TRPM7: variants seen among roughly 807,000 people sequenced by gnomAD.
TRPM7 encodes the protein LTRPC ion channel family member 7.
Under a neutral mutation model 229.7 loss-of-function variants are expected in TRPM7, and 134 were observed. That is an observed-to-expected ratio of 0.58 (90% CI 0.51 to 0.67). The LOEUF is 0.67. TRPM7 is among the 30% of genes least tolerant of loss of function. TRPM7 has a pLI of 0.00. For missense variants in TRPM7, 1,901 were observed against 2,210.0 expected (o/e 0.86, Z 2.80); for synonymous variants, 699 against 715.2 (o/e 0.98, Z 0.36).
chr15:50,671,921 T>C lies in TRPM7; in HGVS notation c.4-8875A>G, dbSNP rs543710483. Reference sequence around the variant, plus strand: ...AAACAAACCTGCACTGCCAGTTACATAGAAGTATGGCATATACAACTATGT... The same window carrying C: ...AAACAAACCTGCACTGCCAGTTACACAGAAGTATGGCATATACAACTATGT... On this transcript the variant is annotated intron_variant, in intron 1 of 38. Transcript: ENST00000646667. Among the ~76,000 whole-genome samples the C allele has an allele frequency of 9.2e-5, 14 of 152,330 alleles. No homozygotes were observed. The East Asian group carries it at 9.6e-4, about 10-fold the overall frequency.
rs144902307 is a variant in TRPM7 at position 50,582,649 on chromosome 15, T to A, written c.4557+440A>T. ...TGATTTTAACAACATAATCTCTCTA[T>A]GCCAGAACAGATATATTTTGAATGT... is the stretch of plus-strand genomic sequence containing the variant. On this transcript the variant is annotated intron_variant, in intron 29 of 38. Transcript: ENST00000646667. Among the ~76,000 whole-genome samples the A allele has an allele frequency of 8.5e-3, 1,302 of 152,316 alleles. 8 individuals carry two copies. Among genetic ancestry groups the A allele is most frequent in the Non-Finnish European group, 0.015 (1,041 of 68,018 alleles).
intron 1 of TRPM7, among the ~76,000 whole-genome samples, chr15:50,685,281 T>C (rs1285477014): frequency 6.6e-6 from 1 of 152,180 alleles, no homozygotes; most frequent in East Asian, 1.9e-4. Context: ...CTGCCAAACA[T>C]GGTGAAACCC....
At chr15:50,586,859 A>G (rs1028288533) in intron 27 of TRPM7, among the ~76,000 whole-genome samples, 7 of 152,150 alleles carry the variant, frequency 4.6e-5, no homozygotes, top group African/African-American at 1.2e-4. Flanking sequence ...TCTACTAAAA[A>G]TACAAAATCA....
chr15:50,665,037 T>C (rs962449910), intron 1 of TRPM7, among the ~76,000 whole-genome samples: 13 of 152,152 alleles, frequency 8.5e-5, no homozygotes, highest in African/African-American at 2.4e-4. Flanking sequence ...ATTTAATAAA[T>C]ATACGCATGT....
At chr15:50,605,915 T>C (rs2928138) in intron 20 of TRPM7, among the ~76,000 whole-genome samples, 11,455 of 152,204 alleles carry the variant, frequency 0.075, 559 homozygotes, top group South Asian at 0.12. Flanking sequence ...TAATAAGAAA[T>C]TCCTTCTGGT....
intron 26 of TRPM7, 60 bp downstream of exon 26, chr15:50,591,848 CTAT>C (rs2059503893): frequency 3.4e-6 from 4 of 1,182,206 alleles, no homozygotes; most frequent in Non-Finnish European, 3.5e-6. Context: ...GTACATATTT[CTAT>C]TATTTCTAAG....
chr15:50,629,685 C>T (rs74729558), intron 10 of TRPM7, among the ~76,000 whole-genome samples: 3,448 of 152,102 alleles, frequency 0.023, 125 homozygotes, highest in African/African-American at 0.078. Context: ...TTTGATCCCT[C>T]TACTTTAACA....
At chr15:50,662,809 T>C (rs913769649) in intron 2 of TRPM7, among the ~76,000 whole-genome samples, 158 bp downstream of exon 2, 14 of 152,158 alleles carry the variant, frequency 9.2e-5, no homozygotes, top group African/African-American at 3.4e-4. Flanking sequence ...TGTTTCCTCC[T>C]CCCAATCCCT....
intron 13 of TRPM7, 26 bp from the exon 14 acceptor site, chr15:50,614,289 T>C (rs774241185): frequency 6.3e-7 from 1 of 1,576,432 alleles, no homozygotes. Flanking sequence ...TTGTTTTAAA[T>C]AGATCAGATA....
chr15:50,616,362 A>T (rs1271749015), intron 13 of TRPM7, among the ~76,000 whole-genome samples: 1 of 152,222 alleles, frequency 6.6e-6, no homozygotes, highest in Non-Finnish European at 1.5e-5. Flanking sequence ...ATTTGTTTCC[A>T]AAATTTTAAC....
intron 5 of TRPM7, among the ~76,000 whole-genome samples, chr15:50,640,373 C>T (rs1364137687): frequency 6.6e-6 from 1 of 151,820 alleles, no homozygotes; most frequent in Admixed American, 6.6e-5. Context: ...ACCTCCCGGG[C>T]TCAAGTGATC....
intron 30 of TRPM7, 91 bp downstream of exon 30, chr15:50,580,783 T>C (rs2054362239): frequency 8.5e-7 from 1 of 1,182,912 alleles, no homozygotes; most frequent in Admixed American, 2.6e-5. Flanking sequence ...CATAAAGAAA[T>C]GTTAAAGAGA....
intron 3 of TRPM7, among the ~76,000 whole-genome samples, chr15:50,652,617 A>G (rs2061453148): frequency 6.7e-6 from 1 of 149,212 alleles, no homozygotes; most frequent in African/African-American, 2.5e-5. Context: ...AACATTTAGG[A>G]GGAAATATAA....
At chr15:50,679,524 ATATATATATATATATT>A (rs2062190484) in intron 1 of TRPM7, among the ~76,000 whole-genome samples, 6 of 45,674 alleles carry the variant, frequency 1.3e-4, no homozygotes, top group African/African-American at 6.3e-4. Context: ...ATATATATAT[ATATATATATATATATT>A]TTTTTTTTTT....
At chr15:50,639,320 G>T (rs1041026092) in intron 6 of TRPM7, 104 bp downstream of exon 6, 10 of 984,722 alleles carry the variant, frequency 1.0e-5, no homozygotes, top group African/African-American at 1.7e-5. Context: ...AACTTAATTT[G>T]AAAAGTATAA....
chr15:50,631,263 TCA>T lies in TRPM7; in HGVS notation c.1204+152_1204+153del, dbSNP rs2060721615. ...GCCAAGGAAACCAACATTGTGTCTT[TCA>T]CAAAGAAAAATGACTGAAAATTCAC... is the stretch of plus-strand genomic sequence containing the variant. On this transcript the variant is annotated intron_variant, in intron 10 of 38. Transcript: ENST00000646667. Among the ~76,000 whole-genome samples, 4 of 152,198 alleles carry T rather than the reference TCA, an allele frequency of 2.6e-5. No homozygotes were observed. In the South Asian group the frequency reaches 8.3e-4, roughly 32 times the overall value.
At chr15:50,653,254 T>A (rs2061473481) in intron 3 of TRPM7, among the ~76,000 whole-genome samples, 1 of 152,118 alleles carries the variant, frequency 6.6e-6, no homozygotes. Flanking sequence ...ACTTCAAAAC[T>A]TGCCTTGGCA....
At chr15:50,616,671 C>CA (rs2060230349) in intron 13 of TRPM7, among the ~76,000 whole-genome samples, 1 of 108,480 alleles carries the variant, frequency 9.2e-6, no homozygotes, top group South Asian at 3.6e-4. Context: ...ATAGTAAAGT[C>CA]AAAAAATGTA....
At chr15:50,682,308 A>G (rs11070807) in intron 1 of TRPM7, among the ~76,000 whole-genome samples, 49,533 of 151,466 alleles carry the variant, frequency 0.33, 9,872 homozygotes, top group Admixed American at 0.47. Flanking sequence ...CCCTACGTGG[A>G]CAGAAAACTA....
Sources: gnomAD v4.1 joint callset for allele counts (sites outside exome capture counted in the v4.1 genomes callset) on GRCh38, gnomAD v4.1.1 for gene constraint, MANE v1.5 for transcripts, NCBI Gene and HGNC (gene_info 2026-07-23, HGNC 2026-07-21) for gene names.